The following TRPV3 variants were observed in gnomAD, a reference collection of about 807,000 sequenced individuals.
TRPV3 encodes the protein transient receptor potential cation channel subfamily V member 3.
A neutral mutation model predicts 87.1 loss-of-function variants in TRPV3; 88 were observed. The ratio of observed to expected loss-of-function variants is 1.01; its 90% CI spans 0.85 to 1.21. The LOEUF (loss-of-function observed/expected upper bound fraction) is 1.21. Ranked by LOEUF, TRPV3 falls within the 50% of genes most tolerant of loss-of-function variation. The pLI is 0.00. For synonymous variants in TRPV3, 438 were observed against 423.3 expected (o/e 1.03, Z -0.43); for missense variants, 1,054 against 1,030.1 (o/e 1.02, Z -0.32).
chr17:3,521,254 G>A (rs535532679), intron 13 of TRPV3, among the ~76,000 whole-genome samples: 23 of 151,996 alleles, frequency 1.5e-4, no homozygotes, highest in Non-Finnish European at 3.1e-4. Context: ...CCAGCCCCAG[G>A]TTCTCTTCTC....
intron 3 of TRPV3, among the ~76,000 whole-genome samples, chr17:3,544,884 T>C (rs1248663499): frequency 3.3e-5 from 5 of 152,098 alleles, no homozygotes; most frequent in East Asian, 1.9e-4. Flanking sequence ...CGTGGTGGCA[T>C]GTGCCTGTAA....
At chr17:3,525,855 T>C (rs2074295402) in intron 12 of TRPV3, among the ~76,000 whole-genome samples, 1 of 152,128 alleles carries the variant, frequency 6.6e-6, no homozygotes, top group Non-Finnish European at 1.5e-5. Context: ...CCTCAGATGA[T>C]AGGCCCACCT....
chr17:3,547,919 C>G (rs1447610859), intron 2 of TRPV3, among the ~76,000 whole-genome samples: 1 of 152,260 alleles, frequency 6.6e-6, no homozygotes, highest in Non-Finnish European at 1.5e-5. Flanking sequence ...CCCACAAACA[C>G]AGGCACCCAT....
At chr17:3,551,474 G>T (rs545346683) in intron 2 of TRPV3, among the ~76,000 whole-genome samples, 1 of 152,362 alleles carries the variant, frequency 6.6e-6, no homozygotes, top group East Asian at 1.9e-4. Flanking sequence ...CCAGCTGGGT[G>T]TGGTTGACCC....
intron 2 of TRPV3, among the ~76,000 whole-genome samples, chr17:3,551,492 C>T (rs1439352292): frequency 6.6e-6 from 1 of 152,216 alleles, no homozygotes; most frequent in Non-Finnish European, 1.5e-5. Flanking sequence ...CCCAGGTGAG[C>T]AGATAGCTCT....
rs1329487630 is a variant in TRPV3, at chr17:3,554,806, T to A, written c.45A>T (p.Arg15Ser). 1 of 1,612,624 alleles carries A rather than the reference T, an allele frequency of 6.2e-7. No individual in the cohort carries two copies. Among genetic ancestry groups the A allele is most frequent in the South Asian group, 1.1e-5 (1 of 90,758 alleles). Residue 15 changes from arginine to serine, a missense_variant, in exon 2 of 18, where the codon AGA becomes AGT. By Grantham distance (110) the Arg-to-Ser change is moderately radical. Coordinates refer to ENST00000576742, the MANE Select transcript of TRPV3 (RefSeq NM_145068.4). ...CAGGGTTCCCACTGGGGGCAGCAAC[T>A]CTCTTGCCCATGAGAGGCACCATCT... ...PKEMVPLMGK[R>S]VAAPSGNPAI... is the part of the protein sequence containing the mutation.
Position 3,518,517 on chromosome 17 carries a change from C to T in TRPV3, c.2085+59G>A, listed in dbSNP as rs912100587. The T allele has an allele frequency of 4.7e-6, 7 of 1,499,842 alleles. No homozygotes were observed. The highest frequency in any genetic ancestry group is 3.6e-6 in the Non-Finnish European group (4 of 1,121,792). 92.9% of individuals were successfully genotyped at this position (1,499,842 alleles called of 1,614,324 possible). A position where few individuals can be genotyped will look rare whatever the true frequency, so the allele number is the denominator to read the frequency against. Reference sequence around the variant, plus strand: ...CACTGGTGCTGACAGTAGTCAATGACCACGTGCTGAACTGAGTCCCGTGGA... The same window carrying T: ...CACTGGTGCTGACAGTAGTCAATGATCACGTGCTGAACTGAGTCCCGTGGA... On this transcript the variant is annotated intron_variant, in intron 15 of 17. Coordinates refer to ENST00000576742, the MANE Select transcript of TRPV3 (RefSeq NM_145068.4). This position sits in a 1 kb window ranked among gnomAD's most constrained non-coding sequence, Gnocchi z 4.3.
At position 3,534,051 on chromosome 17, in the gene TRPV3, C is replaced by T. The variant is rs530152068; in HGVS notation, c.785-1114G>A. ...GAGGTCACACAGCAAGCCTGGGACA[C>T]GACCAGCTCCGGACACCAGGTCTTC... On this transcript the variant is annotated intron_variant, in intron 7 of 17. Transcript: ENST00000576742. 4.4e-4 allele frequency among the ~76,000 whole-genome samples: 67 copies of T among 152,230 alleles called. No homozygotes were observed. In the Middle Eastern group the frequency reaches 0.01, roughly 23 times the overall value.
rs1215363047 is a variant in TRPV3, at chr17:3,542,685, G to A, written c.480C>T (p.His160=). 1 of 1,613,740 alleles carries A rather than the reference G, an allele frequency of 6.2e-7. No individual in the cohort carries two copies. Among genetic ancestry groups the A allele is most frequent in the East Asian group, 2.2e-5 (1 of 44,874 alleles). ...TCCCCGTGTCGGAGGCCGTCAGCTTGTGCATGAGGAAGTCTGCAGGCAGGG... is the reference window on the plus strand; with the variant it reads ...TCCCCGTGTCGGAGGCCGTCAGCTTATGCATGAGGAAGTCTGCAGGCAGGG... ...HDEDVPDFLM[H]KLTASDTGKT... is the part of the protein sequence containing the mutation. Residue 160 remains histidine (H), a synonymous_variant, in exon 6 of 18, where the codon CAC becomes CAT. Transcript: ENST00000576742.
At position 3,532,752 on chromosome 17, in the gene TRPV3, T is replaced by C. The variant is rs1012485749; in HGVS notation, c.970A>G (p.Ile324Val). Residue 324 changes from isoleucine (I) to valine (V), a missense_variant, in exon 8 of 18, where the codon ATC becomes GTC. Ile to Val is a conservative substitution (Grantham distance 29). Transcript: ENST00000576742. ...NDFVKRMYDM[I>V]LLRSGNWELE... The stretch of plus-strand genomic sequence containing the variant: ...TCCCAGTTGCCACTCCGCAGTAGGA[T>C]CATGTCGTACATGCGCTTCACAAAG... The C allele has an allele frequency of 6.2e-7, 1 of 1,614,132 alleles. No individual in the cohort carries two copies. Among genetic ancestry groups the C allele is most frequent in the Non-Finnish European group, 8.5e-7 (1 of 1,180,058 alleles).
chr17:3,542,696 A>T lies in TRPV3; in HGVS notation c.469T>A (p.Phe157Ile). 1 of 1,613,406 alleles carries T rather than the reference A, an allele frequency of 6.2e-7. No homozygotes were observed. The highest frequency in any genetic ancestry group is 8.5e-7 in the Non-Finnish European group (1 of 1,179,668). The change falls in exon 6 of 18, where the codon TTC becomes ATC. Residue 157 changes from phenylalanine (F) to isoleucine (I), a missense_variant and splice_region_variant. Coordinates refer to ENST00000576742, the MANE Select transcript of TRPV3 (RefSeq NM_145068.4). The part of the protein sequence containing the change: ...RRRHDEDVPD[F>I]LMHKLTASDT... The stretch of plus-strand genomic sequence containing the variant: ...GAGGCCGTCAGCTTGTGCATGAGGA[A>T]GTCTGCAGGCAGGGCCATGGGTGGA...
rs1340373348 is a variant in TRPV3, at chr17:3,513,195, T to C, written c.*722A>G. The C allele has an allele frequency of 1.3e-5, 2 of 152,618 alleles. No individual in the cohort carries two copies. The highest frequency in any genetic ancestry group is 4.1e-4 in the South Asian group (2 of 4,824). The allele number at this position is 152,618 out of a possible 1,614,324, so 9.5% of individuals were successfully genotyped here. A position where few individuals can be genotyped will look rare whatever the true frequency, so the allele number is the denominator to read the frequency against. On this transcript the variant is annotated 3_prime_UTR_variant, in exon 18 of 18. Coordinates refer to ENST00000576742, the MANE Select transcript of TRPV3 (RefSeq NM_145068.4). ...CCACTTTTAAAATCACAAACTTCAT[T>C]GTAGTAATTTTCATTCTCAACTGAA... is the stretch of plus-strand genomic sequence containing the variant.
rs553504500 is a variant in TRPV3 at position 3,518,327 on chromosome 17, T to C, written c.2085+249A>G. On this transcript the variant is annotated intron_variant, in intron 15 of 17. Coordinates refer to ENST00000576742, the MANE Select transcript of TRPV3 (RefSeq NM_145068.4). The surrounding 1 kb of genome is among the most constrained non-coding windows in gnomAD (Gnocchi z 4.3). ...AAACTTCAACATCCACACATCACAC[T>C]GTCAACCCTGAGCAGAGCACCCCCA... Among the ~76,000 whole-genome samples, 1 of 152,348 alleles carries C rather than the reference T, an allele frequency of 6.6e-6. No individual in the cohort carries two copies. Among genetic ancestry groups the C allele is most frequent in the Admixed American group, 6.5e-5 (1 of 15,300 alleles).
At chr17:3,554,881 A>G in intron 1 of TRPV3, 29 bp from the exon 2 acceptor site, 1 of 1,522,810 alleles carries the variant, frequency 6.6e-7, no homozygotes, top group Non-Finnish European at 9.0e-7. Context: ...GCAGATGCTC[A>G]GGCCGGGGGG....
rs1454127453 is a variant in TRPV3 at position 3,556,164 on chromosome 17, G to A, written c.-2-1312C>T. On this transcript the variant is annotated intron_variant, in intron 1 of 17. Transcript: ENST00000576742. This position sits in a 1 kb window ranked among gnomAD's most constrained non-coding sequence, Gnocchi z 4.2. ...TGCACTCCAGCCTGGGCGACAGAGC[G>A]AGACTCCGTCTCAAAAAAAATGAAA... Among the ~76,000 whole-genome samples, 5 of 148,796 alleles carry A rather than the reference G, an allele frequency of 3.4e-5. No homozygotes were observed. Among genetic ancestry groups the A allele is most frequent in the African/African-American group, 9.9e-5 (4 of 40,552 alleles).
At chr17:3,550,518 C>T (rs1392414328) in intron 2 of TRPV3, among the ~76,000 whole-genome samples, 10 of 113,528 alleles carry the variant, frequency 8.8e-5, no homozygotes, top group Non-Finnish European at 3.9e-5. Context: ...TTCCTGCCTG[C>T]TCTTTTTTTT....
rs1367432652 is a variant in TRPV3, at chr17:3,537,927, G to A, written c.644-2214C>T. Among the ~76,000 whole-genome samples, 4 of 145,968 alleles carry A rather than the reference G, an allele frequency of 2.7e-5. No individual in the cohort carries two copies. The East Asian group carries it at 6.2e-4, about 22-fold the overall frequency. ...AAAAAAAAAAAGGCATGCCAGGCACGGTGGCTCACACCTGTAATCCCAGCA... is the reference window on the plus strand; with the variant it reads ...AAAAAAAAAAAGGCATGCCAGGCACAGTGGCTCACACCTGTAATCCCAGCA... On this transcript the variant is annotated intron_variant, in intron 6 of 17. Coordinates refer to ENST00000576742, the MANE Select transcript of TRPV3 (RefSeq NM_145068.4).
Position 3,532,741 on chromosome 17 carries a change from C to T in TRPV3, c.981G>A (p.Arg327=), listed in dbSNP as rs1281396248. 6.2e-7 allele frequency: 1 copy of T among 1,614,256 alleles called. No homozygotes were observed. The highest frequency in any genetic ancestry group is 8.5e-7 in the Non-Finnish European group (1 of 1,180,048). ...TGGTCTCCAGCTCCCAGTTGCCACTCCGCAGTAGGATCATGTCGTACATGC... is the reference window on the plus strand; with the variant it reads ...TGGTCTCCAGCTCCCAGTTGCCACTTCGCAGTAGGATCATGTCGTACATGC... ...VKRMYDMILL[R]SGNWELETTR... The change falls in exon 8 of 18, where the codon CGG becomes CGA. Residue 327 remains arginine, a synonymous_variant. Coordinates refer to ENST00000576742, the MANE Select transcript of TRPV3 (RefSeq NM_145068.4).
chr17:3,549,013 C>T (rs763596533), intron 2 of TRPV3, among the ~76,000 whole-genome samples: 3 of 152,152 alleles, frequency 2.0e-5, no homozygotes, highest in Non-Finnish European at 4.4e-5. Flanking sequence ...CCTGCAGTGC[C>T]CCAGAACTTT....
Sources: gnomAD v4.1 joint callset for allele counts (sites outside exome capture counted in the v4.1 genomes callset) on GRCh38, gnomAD v4.1.1 for gene constraint, Gnocchi (gnomAD v3.1) non-coding constraint, MANE v1.5 for transcripts, NCBI Gene and HGNC (gene_info 2026-07-23, HGNC 2026-07-21) for gene names.